The following SYT12 variants were observed in gnomAD, a reference collection of about 807,000 sequenced individuals.
The protein encoded by SYT12 is synaptotagmin 12.
In SYT12, 27 loss-of-function variants were observed where a neutral mutation model predicts 39.5. That is an observed-to-expected ratio of 0.68 (90% CI 0.50 to 0.94). The LOEUF is 0.94. Among genes scored for constraint, SYT12 ranks in the 40% least tolerant of loss-of-function variants. SYT12 has a pLI of 0.00. For synonymous variants in SYT12, 233 were observed against 239.7 expected (o/e 0.97, Z 0.26); for missense variants, 536 against 572.6 (o/e 0.94, Z 0.65).
intron 7 of SYT12, among the ~76,000 whole-genome samples, chr11:67,047,268 A>ATTTTTT (rs1168005453): frequency 7.7e-6 from 1 of 130,066 alleles, no homozygotes; most frequent in African/African-American, 2.9e-5. Flanking sequence ...CCCACCCCCA[A>ATTTTTT]TTTTTTTTTT....
At chr11:67,030,619 G>A in intron 2 of SYT12, 1 of 162,384 alleles carries the variant, frequency 6.2e-6, no homozygotes, top group Non-Finnish European at 1.3e-5. Flanking sequence ...AGGTTATAGT[G>A]AGCTGAGATC....
intron 1 of SYT12, chr11:67,027,395 G>C (rs763659998): frequency 2.0e-5 from 3 of 151,752 alleles, no homozygotes; most frequent in Non-Finnish European, 2.9e-5. Context: ...AGCTACTTGG[G>C]AGGCTGAGGC....
intron 1 of SYT12, among the ~76,000 whole-genome samples, chr11:67,024,078 G>A (rs1322977353): frequency 6.8e-6 from 1 of 146,900 alleles, no homozygotes; most frequent in Non-Finnish European, 1.5e-5. Flanking sequence ...GATTTGGGCT[G>A]AAGTTGGGGG....
chr11:67,035,003 T>C (rs1196118742), intron 3 of SYT12, among the ~76,000 whole-genome samples, 165 bp downstream of exon 3: 3 of 104,170 alleles, frequency 2.9e-5, no homozygotes, highest in African/African-American at 6.4e-5. Context: ...CATCTTCAAC[T>C]TTTTTTTTTT....
rs201281771 is a variant in SYT12 at position 67,034,832 on chromosome 11, G to A, written c.222G>A (p.Arg74=). The A allele has an allele frequency of 6.8e-5, 105 of 1,545,118 alleles. No homozygotes were observed. In the East Asian group the frequency reaches 2.5e-3, roughly 36 times the overall value. ...ACGGCGAGAGCTGCGCAGAGGCCAG[G>A]GAGAAGGTGAGGCTTCTGCTCCTGC... ...QKYGESCAEA[R]EKRVPAWNAQ... is the part of the protein sequence containing the mutation. Residue 74 remains arginine, a synonymous_variant, in exon 3 of 8, where the codon AGG becomes AGA. Transcript: ENST00000527043.
chr11:67,046,394 T>C (rs1854552324), intron 7 of SYT12, among the ~76,000 whole-genome samples: 1 of 152,232 alleles, frequency 6.6e-6, no homozygotes, highest in East Asian at 1.9e-4. Flanking sequence ...CCTGCTTGCA[T>C]GCCTCGGAGG....
At chr11:67,043,587 T>C (rs1444860451) in intron 4 of SYT12, 51 bp from the exon 5 acceptor site, 1 of 1,577,028 alleles carries the variant, frequency 6.3e-7, no homozygotes, top group Admixed American at 1.7e-5. Context: ...GCTGTCTCCC[T>C]GCTGTGGCCT....
At chr11:67,042,199 G>A (rs933472641) in intron 4 of SYT12, among the ~76,000 whole-genome samples, 1 of 152,164 alleles carries the variant, frequency 6.6e-6, no homozygotes, top group African/African-American at 2.4e-5. Flanking sequence ...TTCCCCATCT[G>A]TCAAATGGGC....
chr11:67,041,277 G>A (rs1950508343), intron 4 of SYT12, among the ~76,000 whole-genome samples: 1 of 152,074 alleles, frequency 6.6e-6, no homozygotes, highest in Admixed American at 6.6e-5. Flanking sequence ...TTTGAGACCA[G>A]CCTGGCCAAT....
rs2136216247 is a variant in SYT12 at position 67,034,627 on chromosome 11, G to T, written c.35-18G>T. ...ATCCACTAGGAAGCCCTAATGAGAGGCTGCCCTTGCCTTGCAGTCATCAAG... is the reference window on the plus strand; with the variant it reads ...ATCCACTAGGAAGCCCTAATGAGAGTCTGCCCTTGCCTTGCAGTCATCAAG... On this transcript the variant is annotated intron_variant, in intron 2 of 7. Transcript: ENST00000527043. The T allele has an allele frequency of 1.3e-6, 2 of 1,572,530 alleles. No homozygotes were observed. The highest frequency in any genetic ancestry group is 1.4e-5 in the African/African-American group (1 of 72,132).
chr11:67,039,190 GT>G (rs1470364006), intron 3 of SYT12, among the ~76,000 whole-genome samples: 1 of 149,080 alleles, frequency 6.7e-6, no homozygotes, highest in African/African-American at 2.5e-5. Context: ...GTAATCCCGG[GT>G]CCTCAGGAGG....
chr11:67,035,818 C>T (rs1417740522), intron 3 of SYT12, among the ~76,000 whole-genome samples: 59 of 82,566 alleles, frequency 7.1e-4, no homozygotes, highest in African/African-American at 3.1e-3. Context: ...TCCTTCCTTC[C>T]TTCCTTCCTT....
At chr11:67,034,873 G>A in intron 3 of SYT12, 35 bp downstream of exon 3, 8 of 1,464,840 alleles carry the variant, frequency 5.5e-6, no homozygotes, top group Non-Finnish European at 6.3e-6. Context: ...CACAGCGAGT[G>A]CAACCCCATG....
chr11:67,015,885 G>C (rs1310449858), intron 3 of SYT12, among the ~76,000 whole-genome samples: 1 of 152,164 alleles, frequency 6.6e-6, no homozygotes, highest in East Asian at 1.9e-4. Context: ...GATCTCAGGA[G>C]GCTGGGAGCA....
chr11:67,046,392 C>T (rs750336079), intron 7 of SYT12, among the ~76,000 whole-genome samples: 2 of 152,212 alleles, frequency 1.3e-5, no homozygotes, highest in Non-Finnish European at 2.9e-5. Flanking sequence ...GCCCTGCTTG[C>T]ATGCCTCGGA....
chr11:67,039,588 T>C (rs1253251601), intron 3 of SYT12, among the ~76,000 whole-genome samples: 2 of 152,184 alleles, frequency 1.3e-5, no homozygotes, highest in African/African-American at 4.8e-5. Flanking sequence ...CACTCCAGCC[T>C]GGGCAACAAG....
intron 6 of SYT12, among the ~76,000 whole-genome samples, chr11:67,044,915 C>A (rs1298226440): frequency 6.6e-6 from 1 of 151,974 alleles, no homozygotes; most frequent in Non-Finnish European, 1.5e-5. Flanking sequence ...AACATGAGAT[C>A]CCTGGAGGGT....
intron 1 of SYT12, chr11:67,026,791 A>G (rs1398144516): frequency 1.3e-5 from 2 of 152,042 alleles, no homozygotes; most frequent in South Asian, 2.1e-4. Context: ...AAATTTTTCA[A>G]TTTTAAAATG....
chr11:67,034,742 G>C lies in SYT12; in HGVS notation c.132G>C (p.Thr44=). The C allele has an allele frequency of 6.2e-7, 1 of 1,603,734 alleles. No individual in the cohort carries two copies. The highest frequency in any genetic ancestry group is 8.5e-7 in the Non-Finnish European group (1 of 1,176,248). The part of the protein sequence containing the change: ...IAAVSLWKLW[T]SGSFPSPSPF... ...CTGTGAGCCTGTGGAAGCTCTGGAC[G>C]TCGGGGAGCTTCCCCAGCCCCTCTC... The change falls in exon 3 of 8, where the codon ACG becomes ACC. Residue 44 remains threonine, a synonymous_variant. Transcript: ENST00000527043.
Sources: allele counts gnomAD v4.1 joint callset (sites outside exome capture counted in the v4.1 genomes callset), GRCh38; gene constraint gnomAD v4.1.1; transcripts MANE v1.5; gene names NCBI Gene and HGNC (gene_info 2026-07-23, HGNC 2026-07-21).